Variants in ARMC3 observed in about 807,000 individuals in gnomAD.
ARMC3 encodes the protein armadillo repeat containing 3.
ARMC3 carries 74 observed loss-of-function variants against 90.3 expected under a neutral mutation model. The ratio of observed to expected loss-of-function variants is 0.82; its 90% CI spans 0.68 to 0.99. ARMC3 has a LOEUF of 0.99. Among genes scored for constraint, ARMC3 ranks in the 50% least tolerant of loss-of-function variants. The pLI is 0.00. For missense variants in ARMC3, 958 were observed against 1,042.8 expected (o/e 0.92, Z 1.12); for synonymous variants, 334 against 361.8 (o/e 0.92, Z 0.87).
At chr10:22,990,858 C>G (rs552369203) in intron 10 of ARMC3, among the ~76,000 whole-genome samples, 1 of 152,286 alleles carries the variant, frequency 6.6e-6, no homozygotes, top group East Asian at 1.9e-4. Flanking sequence ...TCCTTGTACT[C>G]ACTCCAGTAG....
chr10:23,008,962 C>G, intron 16 of ARMC3, 31 bp downstream of exon 16: 1 of 1,579,988 alleles, frequency 6.3e-7, no homozygotes, highest in South Asian at 1.1e-5. Flanking sequence ...CCTCATTACC[C>G]AGCCAGGCTG....
chr10:22,934,566 G>A (rs1282545824), intron 2 of ARMC3, among the ~76,000 whole-genome samples: 2 of 152,174 alleles, frequency 1.3e-5, no homozygotes, highest in African/African-American at 4.8e-5. Flanking sequence ...AGTATAAGGC[G>A]AGATATTCAG....
At chr10:22,957,645 C>T (rs983213596) in intron 4 of ARMC3, among the ~76,000 whole-genome samples, 2 of 152,070 alleles carry the variant, frequency 1.3e-5, no homozygotes, top group Non-Finnish European at 2.9e-5. Flanking sequence ...TATCTAACAG[C>T]CCTGTGAGGT....
chr10:22,999,111 A>T (rs1564382698), intron 11 of ARMC3, among the ~76,000 whole-genome samples: 1 of 152,162 alleles, frequency 6.6e-6, no homozygotes, highest in Admixed American at 6.5e-5. Flanking sequence ...AGGACTCTTT[A>T]AATTATACAT....
chr10:22,950,257 G>T (rs956910919), intron 3 of ARMC3, among the ~76,000 whole-genome samples: 6 of 151,908 alleles, frequency 3.9e-5, no homozygotes, highest in Non-Finnish European at 8.8e-5. Flanking sequence ...CACTTCAAAA[G>T]CAAATTTATT....
At chr10:22,980,169 T>C (rs1314601435) in intron 8 of ARMC3, among the ~76,000 whole-genome samples, 1 of 152,214 alleles carries the variant, frequency 6.6e-6, no homozygotes, top group Non-Finnish European at 1.5e-5. Context: ...CATGTAAATA[T>C]TGTAACCTAA....
At chr10:22,992,548 G>A (rs1242811899) in intron 10 of ARMC3, among the ~76,000 whole-genome samples, 2 of 151,944 alleles carry the variant, frequency 1.3e-5, no homozygotes, top group African/African-American at 4.8e-5. Flanking sequence ...TTAATTGGTT[G>A]TCTCCCTTAA....
chr10:22,981,917 A>G (rs981895624), intron 10 of ARMC3, among the ~76,000 whole-genome samples: 7 of 152,202 alleles, frequency 4.6e-5, no homozygotes, highest in Admixed American at 4.6e-4. Context: ...GTTTGTTGGG[A>G]AAATGTGCAG....
chr10:22,996,635 T>C (rs925862848), intron 10 of ARMC3, among the ~76,000 whole-genome samples: 1 of 152,188 alleles, frequency 6.6e-6, no homozygotes, highest in African/African-American at 2.4e-5. Context: ...TGACACCAAC[T>C]GAGCCCTTCA....
chr10:22,966,640 G>C (rs1835451575), intron 7 of ARMC3, among the ~76,000 whole-genome samples: 1 of 152,290 alleles, frequency 6.6e-6, no homozygotes, highest in South Asian at 2.1e-4. Flanking sequence ...AGAACTGCCC[G>C]AGACTGGGTC....
At chr10:23,013,948 ATTACT>A (rs1224143975) in intron 16 of ARMC3, among the ~76,000 whole-genome samples, 6 of 152,208 alleles carry the variant, frequency 3.9e-5, no homozygotes, top group Non-Finnish European at 7.3e-5. Flanking sequence ...AATATTAAAA[ATTACT>A]TTAATTATTG....
chr10:22,929,948 T>C (rs1833866943), intron 1 of ARMC3, among the ~76,000 whole-genome samples: 1 of 152,222 alleles, frequency 6.6e-6, no homozygotes, highest in African/African-American at 2.4e-5. Flanking sequence ...CTCTGCACTA[T>C]GCAATTGCTC....
chr10:23,013,661 C>T (rs902287061), intron 16 of ARMC3, among the ~76,000 whole-genome samples: 2 of 152,114 alleles, frequency 1.3e-5, no homozygotes, highest in African/African-American at 2.4e-5. Context: ...GTCATGTGTA[C>T]AATACAGTGT....
intron 8 of ARMC3, 148 bp from the exon 9 acceptor site, chr10:22,981,192 A>T: frequency 1.4e-6 from 1 of 708,802 alleles, no homozygotes; most frequent in Non-Finnish European, 2.3e-6. Flanking sequence ...TTCTAAAGTT[A>T]AATAGTTGTA....
At chr10:22,957,654 G>A (rs1342283695) in intron 4 of ARMC3, among the ~76,000 whole-genome samples, 2 of 152,112 alleles carry the variant, frequency 1.3e-5, no homozygotes, top group African/African-American at 4.8e-5. Context: ...GCCCTGTGAG[G>A]TAGGTACTAT....
chr10:23,018,057 CA>C (rs1417530254), intron 16 of ARMC3, among the ~76,000 whole-genome samples: 3 of 152,192 alleles, frequency 2.0e-5, no homozygotes, highest in Admixed American at 1.3e-4. Flanking sequence ...TAATAATAAA[CA>C]GAAGCATTTA....
chr10:23,020,482 C>T (rs1185846291), intron 16 of ARMC3, among the ~76,000 whole-genome samples: 1 of 152,140 alleles, frequency 6.6e-6, no homozygotes. Flanking sequence ...ATTTCTGGGT[C>T]ATATGGTAAC....
chr10:23,034,650 T>A (rs931303590), intron 18 of ARMC3, among the ~76,000 whole-genome samples: 6 of 152,144 alleles, frequency 3.9e-5, no homozygotes, highest in Non-Finnish European at 7.3e-5. Flanking sequence ...TTGTCCTAAC[T>A]CACGGCCATC....
At chr10:23,003,127 G>A (rs1837394461) in intron 12 of ARMC3, 119 bp from the exon 13 acceptor site, 3 of 817,374 alleles carry the variant, frequency 3.7e-6, no homozygotes, top group Non-Finnish European at 5.5e-6. Flanking sequence ...TAAGAGGGTG[G>A]GGGAGGCTTT....
Sources: allele counts gnomAD v4.1 joint callset (sites outside exome capture counted in the v4.1 genomes callset), GRCh38; gene constraint gnomAD v4.1.1; transcripts MANE v1.5; gene names NCBI Gene and HGNC (gene_info 2026-07-23, HGNC 2026-07-21).